CCKBR: variants seen among roughly 807,000 people sequenced by gnomAD.
The protein encoded by CCKBR is cholecystokinin B receptor.
Under a neutral mutation model 34.6 loss-of-function variants are expected in CCKBR, and 33 were observed. The observed-to-expected ratio is 0.95, with a 90% CI of 0.72 to 1.27. The LOEUF (loss-of-function observed/expected upper bound fraction) is 1.27. Among genes scored for constraint, CCKBR ranks in the 50% most tolerant of loss-of-function variants. The probability of loss-of-function intolerance (pLI) is 0.00; values close to 1 mark genes in which losing one functional copy is unlikely to be tolerated. For synonymous variants in CCKBR, 269 were observed against 267.5 expected, an observed-to-expected ratio of 1.01 and a Z score of -0.06; for missense variants, 652 against 617.4, an observed-to-expected ratio of 1.06 and a Z score of -0.59.
intron 1 of CCKBR, among the ~76,000 whole-genome samples, chr11:6,263,460 G>T (rs530754688): frequency 7.9e-6 from 1 of 126,122 alleles, no homozygotes; most frequent in East Asian, 2.6e-4. Flanking sequence ...CATTTACTCA[G>T]ATTAACATCT....
intron 1 of CCKBR, among the ~76,000 whole-genome samples, chr11:6,263,307 C>G (rs1028110631): frequency 6.6e-6 from 1 of 152,188 alleles, no homozygotes; most frequent in African/African-American, 2.4e-5. Flanking sequence ...ATTATCCACA[C>G]ACAACCAGAT....
At chr11:6,265,773 G>A (rs1056365636) in intron 1 of CCKBR, among the ~76,000 whole-genome samples, 5 of 152,058 alleles carry the variant, frequency 3.3e-5, no homozygotes, top group Non-Finnish European at 5.9e-5. Flanking sequence ...AAATATAGAT[G>A]GTTTGCATAT....
At position 6,271,683 on chromosome 11, in the gene CCKBR, CT is replaced by C; in HGVS notation, c.*142del. 1 of 803,230 alleles carries C rather than the reference CT, an allele frequency of 1.2e-6. No individual in the cohort carries two copies. Among genetic ancestry groups the C allele is most frequent in the South Asian group, 1.9e-5 (1 of 53,460 alleles). The allele number at this position is 803,230 out of a possible 1,614,324, so 49.8% of individuals were successfully genotyped here. On this transcript the variant is annotated 3_prime_UTR_variant, in exon 5 of 5. Coordinates refer to ENST00000334619, the MANE Select transcript of CCKBR (RefSeq NM_176875.4). ...AACCCCAACGCACAGGAAAAGGTAG[CT>C]TACCTGACACAAGAGGAATAAGAAT...
chr11:6,268,483 G>A (rs566438714), intron 1 of CCKBR, among the ~76,000 whole-genome samples: 4 of 152,168 alleles, frequency 2.6e-5, no homozygotes, highest in Non-Finnish European at 2.9e-5. Flanking sequence ...AATAGACAAT[G>A]ACACAAAAGA....
intron 1 of CCKBR, among the ~76,000 whole-genome samples, chr11:6,267,752 A>G (rs554328442): frequency 6.6e-6 from 1 of 152,310 alleles, no homozygotes; most frequent in East Asian, 1.9e-4. Context: ...CAGTATCCCC[A>G]CAAACACATA....
chr11:6,264,998 C>G (rs1173226038), intron 1 of CCKBR, among the ~76,000 whole-genome samples: 1 of 152,132 alleles, frequency 6.6e-6, no homozygotes, highest in East Asian at 1.9e-4. Context: ...TTGTATGGTT[C>G]TATAGGTTTT....
chr11:6,263,117 A>C (rs1486800221), intron 1 of CCKBR, among the ~76,000 whole-genome samples: 3 of 152,216 alleles, frequency 2.0e-5, no homozygotes, highest in South Asian at 4.1e-4. Flanking sequence ...CAATGTTACC[A>C]ATAGGAATTT....
In CCKBR at chr11:6,268,885, T is replaced by C. The variant is rs569504192; in HGVS notation, c.152-784T>C. Among the ~76,000 whole-genome samples, 9 of 152,258 alleles carry C rather than the reference T, an allele frequency of 5.9e-5. No individual in the cohort carries two copies. The South Asian group carries it at 1.7e-3, about 28-fold the overall frequency. The stretch of plus-strand genomic sequence containing the variant: ...TGAGTCTTGACCAACAAGGGATGAA[T>C]AGGAATTCACCAGATACAGAAAATA... On this transcript the variant is annotated intron_variant, in intron 1 of 4. Coordinates refer to ENST00000334619, the MANE Select transcript of CCKBR (RefSeq NM_176875.4).
chr11:6,265,827 C>A (rs1848201354), intron 1 of CCKBR, among the ~76,000 whole-genome samples: 1 of 152,136 alleles, frequency 6.6e-6, no homozygotes, highest in Admixed American at 6.5e-5. Context: ...CTCTCACTGA[C>A]CCCCACAAGG....
rs1455726034 is a variant in CCKBR at position 6,269,520 on chromosome 11, G to A, written c.152-149G>A. The stretch of plus-strand genomic sequence containing the variant: ...ACCTCAAGGGGTTAGAAGGCTAAAG[G>A]ATTCAAGTTCACCATTTACTGAGCA... On this transcript the variant is annotated intron_variant, in intron 1 of 4. Transcript: ENST00000334619. The A allele has an allele frequency of 5.5e-6, 5 of 907,852 alleles. No individual in the cohort carries two copies. The East Asian group carries it at 9.9e-5, about 18-fold the overall frequency. 56.2% of individuals were successfully genotyped at this position (907,852 alleles called of 1,614,324 possible).
chr11:6,261,654 A>G lies in CCKBR; in HGVS notation c.151+1575A>G, dbSNP rs115772198. ...GAGTGACTAGAACATATATCTTAAG[A>G]AGGGAATAATGAACAGGCTGGAGAC... On this transcript the variant is annotated intron_variant, in intron 1 of 4. Transcript: ENST00000334619. Among the ~76,000 whole-genome samples the G allele has an allele frequency of 3.8e-3, 579 of 152,136 alleles. 5 individuals carry two copies. The highest frequency in any genetic ancestry group is 0.013 in the African/African-American group (535 of 41,510).
intron 1 of CCKBR, among the ~76,000 whole-genome samples, chr11:6,266,828 G>A (rs1262441566): frequency 6.6e-6 from 1 of 152,124 alleles, no homozygotes; most frequent in East Asian, 1.9e-4. Context: ...AAACATCATA[G>A]AGTGTTTGTC....
At chr11:6,260,209 A>G (rs1388825448) in intron 1 of CCKBR, 130 bp downstream of exon 1, 1 of 623,900 alleles carries the variant, frequency 1.6e-6, no homozygotes, top group Non-Finnish European at 2.7e-6. Context: ...GTACTCCCTC[A>G]GCCCCCAAAC....
At chr11:6,264,570 G>A (rs1036761506) in intron 1 of CCKBR, 1 of 700,742 alleles carries the variant, frequency 1.4e-6, no homozygotes, top group Non-Finnish European at 2.6e-6. Context: ...CTCATCCCCA[G>A]GAAGATGATG....
intron 1 of CCKBR, among the ~76,000 whole-genome samples, chr11:6,261,308 T>C (rs1451677742): frequency 2.6e-5 from 4 of 151,384 alleles, no homozygotes; most frequent in East Asian, 1.9e-4. Flanking sequence ...AGGGAAAAGA[T>C]AGTGGGAACA....
At chr11:6,263,504 C>T (rs1477120962) in intron 1 of CCKBR, among the ~76,000 whole-genome samples, 2 of 145,648 alleles carry the variant, frequency 1.4e-5, no homozygotes, top group Admixed American at 1.4e-4. Context: ...CAGTCTCCCT[C>T]TGTTGCCCAG....
intron 1 of CCKBR, among the ~76,000 whole-genome samples, chr11:6,267,836 T>C (rs1377886241): frequency 6.6e-6 from 1 of 152,160 alleles, no homozygotes; most frequent in African/African-American, 2.4e-5. Context: ...TTATAATCTT[T>C]TGTTGTTGTT....
At chr11:6,261,454 A>AAAAAAAT (rs1447691939) in intron 1 of CCKBR, among the ~76,000 whole-genome samples, 5 of 60,894 alleles carry the variant, frequency 8.2e-5, no homozygotes, top group African/African-American at 1.9e-4. Flanking sequence ...AAAAAAAAAA[A>AAAAAAAT]ATATATATAC....
rs756071960 is a variant in CCKBR, at chr11:6,271,101, G to T, written c.902G>T (p.Arg301Leu). ...DGCYVQLPRS[R>L]PALELTALTA... ...TGCTACGTGCAACTTCCACGTTCCC[G>T]GCCTGCCCTGGAGCTGACGGCGCTG... Residue 301 changes from arginine (R) to leucine (L), a missense_variant, in exon 5 of 5, where the codon CGG becomes CTG. Coordinates refer to ENST00000334619, the MANE Select transcript of CCKBR (RefSeq NM_176875.4). 41 of 1,613,980 alleles carry T rather than the reference G, an allele frequency of 2.5e-5. No homozygotes were observed. The Admixed American group carries it at 6.5e-4, about 26-fold the overall frequency.
Sources: gnomAD v4.1 joint callset for allele counts (sites outside exome capture counted in the v4.1 genomes callset) on GRCh38, gnomAD v4.1.1 for gene constraint, MANE v1.5 for transcripts, NCBI Gene and HGNC (gene_info 2026-07-23, HGNC 2026-07-21) for gene names.